CEP85L: variants seen among roughly 807,000 people sequenced by gnomAD.
CEP85L encodes centrosomal protein of 85 kDa-like.
In CEP85L, 60 loss-of-function variants were observed where a neutral mutation model predicts 100.3. The ratio of observed to expected loss-of-function variants is 0.60; its 90% CI spans 0.49 to 0.74. CEP85L has a LOEUF of 0.74. CEP85L is among the 30% of genes least tolerant of loss of function. The pLI is 0.00. For synonymous variants in CEP85L, 319 were observed against 322.7 expected (o/e 0.99, Z 0.12); for missense variants, 973 against 936.2 (o/e 1.04, Z -0.51).
intron 3 of CEP85L, among the ~76,000 whole-genome samples, chr6:118,524,441 CT>C (rs1388361038): frequency 1.3e-5 from 2 of 150,228 alleles, no homozygotes; most frequent in African/African-American, 4.8e-5. Context: ...AAGACTCTGT[CT>C]AAACAAACAA....
chr6:118,483,981 T>C (rs1354861851), intron 6 of CEP85L, 123 bp from the exon 7 acceptor site: 8 of 779,658 alleles, frequency 1.0e-5, no homozygotes, highest in Non-Finnish European at 1.6e-5. Context: ...CGAAGGCCAC[T>C]AGCAACTCAA....
intron 5 of CEP85L, among the ~76,000 whole-genome samples, chr6:118,500,601 T>C (rs968269011): frequency 3.3e-5 from 5 of 152,216 alleles, no homozygotes; most frequent in Admixed American, 1.3e-4. Context: ...CCCTGTCCAC[T>C]AGAGGCAAGG....
chr6:118,634,621 T>C (rs1351273078), intron 1 of CEP85L, among the ~76,000 whole-genome samples: 4 of 152,102 alleles, frequency 2.6e-5, no homozygotes, highest in African/African-American at 9.7e-5. Flanking sequence ...AGAATGAGAC[T>C]TTTCAATTCA....
At chr6:118,483,526 C>T (rs548419160) in intron 7 of CEP85L, among the ~76,000 whole-genome samples, 180 bp downstream of exon 7, 2 of 152,172 alleles carry the variant, frequency 1.3e-5, no homozygotes, top group South Asian at 2.1e-4. Flanking sequence ...AAGGTAATCA[C>T]TTATTAACTG....
chr6:118,557,921 G>T (rs1778973465), intron 3 of CEP85L, among the ~76,000 whole-genome samples: 1 of 149,980 alleles, frequency 6.7e-6, no homozygotes, highest in South Asian at 2.1e-4. Context: ...CACAACCACT[G>T]TTACTCACTG....
intron 2 of CEP85L, among the ~76,000 whole-genome samples, chr6:118,628,750 A>G (rs1299267576): frequency 6.6e-6 from 1 of 152,220 alleles, no homozygotes; most frequent in Admixed American, 6.5e-5. Context: ...CTCAAAATAG[A>G]TCACAACCCT....
At chr6:118,626,093 T>C (rs1773772972) in intron 2 of CEP85L, among the ~76,000 whole-genome samples, 1 of 152,060 alleles carries the variant, frequency 6.6e-6, no homozygotes, top group African/African-American at 2.4e-5. Context: ...GTGTCCTGTT[T>C]AGAGGGGGGA....
At chr6:118,512,703 C>A (rs1351365462) in intron 4 of CEP85L, among the ~76,000 whole-genome samples, 11 of 152,192 alleles carry the variant, frequency 7.2e-5, no homozygotes, top group Middle Eastern at 3.4e-3. Flanking sequence ...AGTCTTGTCT[C>A]AGTGGGGAAA....
chr6:118,682,854 G>T (rs1162594979), intron 1 of CEP85L, among the ~76,000 whole-genome samples: 1 of 151,090 alleles, frequency 6.6e-6, no homozygotes, highest in Non-Finnish European at 1.5e-5. Flanking sequence ...GTAATAAAAT[G>T]TTATTTTTAG....
At chr6:118,697,295 C>A (rs1162482843) in intron 1 of CEP85L, among the ~76,000 whole-genome samples, 1 of 152,136 alleles carries the variant, frequency 6.6e-6, no homozygotes, top group Non-Finnish European at 1.5e-5. Context: ...TATATGAATC[C>A]CAAATGTCTT....
At chr6:118,544,821 G>GT (rs1778102561) in intron 3 of CEP85L, among the ~76,000 whole-genome samples, 1 of 152,158 alleles carries the variant, frequency 6.6e-6, no homozygotes, top group African/African-American at 2.4e-5. Context: ...CCCAACTCCA[G>GT]TTGATGAGTA....
intron 2 of CEP85L, among the ~76,000 whole-genome samples, chr6:118,574,678 G>A (rs540849588): frequency 9.2e-5 from 14 of 152,290 alleles, no homozygotes; most frequent in African/African-American, 3.4e-4. Context: ...AAAGCCTACA[G>A]TACAGATACC....
chr6:118,580,528 G>A (rs956169554), intron 2 of CEP85L, among the ~76,000 whole-genome samples: 23 of 152,228 alleles, frequency 1.5e-4, no homozygotes, highest in Admixed American at 6.5e-5. Flanking sequence ...ACTCAGATGT[G>A]AGGCTTGCTG....
intron 1 of CEP85L, among the ~76,000 whole-genome samples, chr6:118,658,332 C>T (rs111587451): frequency 1.4e-4 from 22 of 152,260 alleles, no homozygotes; most frequent in African/African-American, 5.3e-4. Context: ...GGGAGAAAAA[C>T]TAAAACCAGA....
At chr6:118,544,090 G>A (rs1778061466) in intron 3 of CEP85L, among the ~76,000 whole-genome samples, 2 of 151,992 alleles carry the variant, frequency 1.3e-5, no homozygotes, top group South Asian at 4.1e-4. Context: ...GTTTGCGAAT[G>A]CGAGGAGCTC....
intron 1 of CEP85L, among the ~76,000 whole-genome samples, chr6:118,664,111 G>T (rs1562348010): frequency 2.0e-5 from 3 of 151,908 alleles, no homozygotes; most frequent in Non-Finnish European, 1.5e-5. Context: ...GCCCAGGCTG[G>T]TCTCAAACGC....
At chr6:118,616,615 C>T (rs571345583) in intron 2 of CEP85L, among the ~76,000 whole-genome samples, 1 of 147,516 alleles carries the variant, frequency 6.8e-6, no homozygotes, top group South Asian at 2.1e-4. Context: ...CACTACACTA[C>T]AGCCTGGGCA....
intron 1 of CEP85L, among the ~76,000 whole-genome samples, chr6:118,707,401 C>G (rs183253707): frequency 7.2e-5 from 11 of 151,938 alleles, no homozygotes; most frequent in Admixed American, 3.3e-4. Flanking sequence ...GCCATGTTGC[C>G]CAGGATGGAA....
chr6:118,651,196 C>T lies in CEP85L; in HGVS notation c.73+1G>A. The T allele has an allele frequency of 6.7e-7, 1 of 1,495,348 alleles. No homozygotes were observed. The highest frequency in any genetic ancestry group is 8.9e-7 in the Non-Finnish European group (1 of 1,129,190). 92.6% of individuals were successfully genotyped at this position (1,495,348 alleles called of 1,614,324 possible). Reference sequence around the variant, plus strand: ...AGCCGGGGCGCTGTCCCGTTCCTTACCGGCAGGGAAGCTGCGGGCTCCGCC... The same window carrying T: ...AGCCGGGGCGCTGTCCCGTTCCTTATCGGCAGGGAAGCTGCGGGCTCCGCC... On this transcript the variant is annotated splice_donor_variant, in intron 1 of 12. Transcript: ENST00000368491. LOFTEE classifies it high-confidence loss of function.
Sources: allele counts gnomAD v4.1 joint callset (sites outside exome capture counted in the v4.1 genomes callset), GRCh38; gene constraint gnomAD v4.1.1; transcripts MANE v1.5; gene names NCBI Gene and HGNC (gene_info 2026-07-23, HGNC 2026-07-21).